Variants in CTNND2 observed in about 807,000 individuals in gnomAD.
The protein encoded by CTNND2 is catenin delta-2.
A neutral mutation model predicts 144.4 loss-of-function variants in CTNND2; 22 were observed. That is an observed-to-expected ratio of 0.15 (90% CI 0.11 to 0.22). The LOEUF is 0.22. Ranked by LOEUF, CTNND2 falls within the 10% of genes least tolerant of loss-of-function variation. CTNND2 has a pLI of 1.00. For synonymous variants in CTNND2, 751 were observed against 695.6 expected (o/e 1.08, Z -1.25); for missense variants, 1,353 against 1,618.8 (o/e 0.84, Z 2.82).
intron 14 of CTNND2, among the ~76,000 whole-genome samples, chr5:11,109,563 C>G (rs1241369478): frequency 6.6e-6 from 1 of 152,094 alleles, no homozygotes; most frequent in Non-Finnish European, 1.5e-5. Flanking sequence ...ACTTTTACTC[C>G]TGTTATAATA....
chr5:11,661,752 A>C (rs1395363057), intron 2 of CTNND2, among the ~76,000 whole-genome samples: 1 of 152,074 alleles, frequency 6.6e-6, no homozygotes, highest in Non-Finnish European at 1.5e-5. Context: ...TTGCTTTTTA[A>C]ATTTTTTTCC....
chr5:11,308,370 C>A (rs537155316), intron 9 of CTNND2, among the ~76,000 whole-genome samples: 8 of 152,294 alleles, frequency 5.3e-5, no homozygotes, highest in African/African-American at 1.9e-4. Context: ...CAGTCTCTCA[C>A]AACTAGCCAG....
chr5:11,883,701 T>C (rs1371693472), intron 1 of CTNND2, among the ~76,000 whole-genome samples: 1 of 152,196 alleles, frequency 6.6e-6, no homozygotes, highest in Non-Finnish European at 1.5e-5. Context: ...TACCCAGTAA[T>C]GGGATTGCTG....
chr5:11,242,603 C>A (rs749095927), intron 9 of CTNND2, among the ~76,000 whole-genome samples: 11 of 152,190 alleles, frequency 7.2e-5, no homozygotes, highest in Non-Finnish European at 1.5e-4. Flanking sequence ...ATGCAGTGCA[C>A]AGGACAGTCC....
At chr5:11,301,495 G>A (rs1052896929) in intron 9 of CTNND2, among the ~76,000 whole-genome samples, 1 of 152,120 alleles carries the variant, frequency 6.6e-6, no homozygotes, top group African/African-American at 2.4e-5. Flanking sequence ...GACTTAAGAC[G>A]AACAACCACA....
At chr5:11,275,747 A>T (rs1156293591) in intron 9 of CTNND2, among the ~76,000 whole-genome samples, 2 of 152,238 alleles carry the variant, frequency 1.3e-5, no homozygotes, top group Non-Finnish European at 2.9e-5. Flanking sequence ...AACAGCTAGA[A>T]TTAAAGTTTG....
At chr5:11,099,168 G>T (rs1197518391) in intron 14 of CTNND2, among the ~76,000 whole-genome samples, 2 of 152,130 alleles carry the variant, frequency 1.3e-5, no homozygotes, top group African/African-American at 2.4e-5. Flanking sequence ...AACAACAAAT[G>T]CCCTCACTTC....
intron 3 of CTNND2, among the ~76,000 whole-genome samples, chr5:11,483,614 T>C (rs967954498): frequency 6.6e-6 from 1 of 152,228 alleles, no homozygotes; most frequent in African/African-American, 2.4e-5. Context: ...TTTTGCTTTA[T>C]TCCTATCCTA....
chr5:11,770,408 AAAGGAAAGAAGGAAGGAAGGAAGG>A (rs1476167902), intron 1 of CTNND2, among the ~76,000 whole-genome samples: 11 of 142,058 alleles, frequency 7.7e-5, no homozygotes, highest in African/African-American at 1.4e-4. Context: ...AAACAGAAAA[AAAGGAAAGAAGGAAGGAAGGAAGG>A]AAGGAAGGAA....
intron 15 of CTNND2, among the ~76,000 whole-genome samples, chr5:11,084,853 C>A (rs1004214546): frequency 1.3e-5 from 2 of 152,112 alleles, no homozygotes; most frequent in Non-Finnish European, 2.9e-5. Flanking sequence ...CACCTGTGCC[C>A]TTGACTCTGG....
intron 2 of CTNND2, among the ~76,000 whole-genome samples, chr5:11,707,029 T>A (rs550212262): frequency 6.7e-6 from 1 of 148,494 alleles, no homozygotes; most frequent in African/African-American, 2.5e-5. Flanking sequence ...GAGCTTGCAG[T>A]GAGCCGAGAT....
chr5:11,121,189 A>T (rs1352734397), intron 12 of CTNND2, among the ~76,000 whole-genome samples: 1 of 152,200 alleles, frequency 6.6e-6, no homozygotes, highest in Non-Finnish European at 1.5e-5. Context: ...GAAACTTAAC[A>T]AGATGTTTCA....
chr5:11,761,184 A>C (rs1238218759), intron 1 of CTNND2, among the ~76,000 whole-genome samples: 8 of 152,188 alleles, frequency 5.3e-5, no homozygotes, highest in Admixed American at 5.2e-4. Flanking sequence ...CGGCACCCGC[A>C]TGAGGCAATG....
At chr5:11,072,653 T>C (rs1748458595) in intron 16 of CTNND2, among the ~76,000 whole-genome samples, 1 of 152,260 alleles carries the variant, frequency 6.6e-6, no homozygotes, top group African/African-American at 2.4e-5. Flanking sequence ...TCCCTTTGAC[T>C]GGAGTCTGGC....
rs527243678 is a variant in CTNND2, at chr5:11,431,695, C to T, written c.288-19626G>A. Among the ~76,000 whole-genome samples, 9 of 152,212 alleles carry T rather than the reference C, an allele frequency of 5.9e-5. No homozygotes were observed. The South Asian group carries it at 1.0e-3, about 18-fold the overall frequency. On this transcript the variant is annotated intron_variant, in intron 3 of 21. Transcript: ENST00000304623. ...TGACAGACGTGTGAGTGAAGCCCTC[C>T]GAAACCTTCCTCTGAGCCCTGCCCC...
chr5:11,273,981 G>A (rs542347376), intron 9 of CTNND2, among the ~76,000 whole-genome samples: 88 of 152,180 alleles, frequency 5.8e-4, no homozygotes, highest in African/African-American at 1.8e-3. Flanking sequence ...GGAGGGGACG[G>A]GTATTTATGC....
rs111551663 is a variant in CTNND2, at chr5:11,763,785, G to C, written c.38-31513C>G. On this transcript the variant is annotated intron_variant, in intron 1 of 21. Transcript: ENST00000304623. ...GAGTACAGTGGAAATTAGTTGTTTT[G>C]GTTGATCAGTAGCTGGTTTCCCTGT... is the stretch of plus-strand genomic sequence containing the variant. 4.5e-3 allele frequency among the ~76,000 whole-genome samples: 679 copies of C among 152,228 alleles called. 8 individuals carry two copies. The highest frequency in any genetic ancestry group is 0.014 in the African/African-American group (583 of 41,546).
intron 2 of CTNND2, among the ~76,000 whole-genome samples, chr5:11,650,135 G>C (rs959952263): frequency 6.6e-6 from 1 of 152,166 alleles, no homozygotes; most frequent in Non-Finnish European, 1.5e-5. Flanking sequence ...TGATTGGATC[G>C]TGGGGGTGAT....
At chr5:11,266,056 G>T (rs1036142722) in intron 9 of CTNND2, among the ~76,000 whole-genome samples, 5 of 152,052 alleles carry the variant, frequency 3.3e-5, no homozygotes, top group Admixed American at 3.3e-4. Context: ...GGTTCAGGTA[G>T]TTTTGATCCA....
Sources: gnomAD v4.1 joint callset for allele counts (sites outside exome capture counted in the v4.1 genomes callset) on GRCh38, gnomAD v4.1.1 for gene constraint, MANE v1.5 for transcripts, NCBI Gene and HGNC (gene_info 2026-07-23, HGNC 2026-07-21) for gene names.